Variants in MED13L observed in about 807,000 individuals in gnomAD.
The protein encoded by MED13L is mediator complex subunit 13L.
A neutral mutation model predicts 220.9 loss-of-function variants in MED13L; 7 were observed. The ratio of observed to expected loss-of-function variants is 0.03; its 90% CI spans 0.02 to 0.06. MED13L has a LOEUF of 0.06. Among genes scored for constraint, MED13L ranks in the 10% least tolerant of loss-of-function variants. MED13L has a pLI of 1.00. For missense variants in MED13L, 1,965 were observed against 2,760.5 expected (o/e 0.71, Z 6.46); for synonymous variants, 1,011 against 1,015.2 (o/e 1.00, Z 0.08).
At chr12:116,146,931 G>C (rs926020966) in intron 2 of MED13L, among the ~76,000 whole-genome samples, 4 of 151,756 alleles carry the variant, frequency 2.6e-5, no homozygotes, top group African/African-American at 9.7e-5. Flanking sequence ...AACTCATCAT[G>C]AAGAGTTTAA....
At chr12:116,150,876 T>G (rs962955092) in intron 2 of MED13L, among the ~76,000 whole-genome samples, 1 of 152,182 alleles carries the variant, frequency 6.6e-6, no homozygotes, top group African/African-American at 2.4e-5. Flanking sequence ...TCTAAGTTTC[T>G]TCTTTTGTAA....
chr12:116,101,034 T>C (rs1006035682), intron 3 of MED13L, among the ~76,000 whole-genome samples: 9 of 152,330 alleles, frequency 5.9e-5, no homozygotes, highest in South Asian at 2.1e-4. Context: ...CTACGAAGCA[T>C]GTCCTTGGCT....
intron 2 of MED13L, among the ~76,000 whole-genome samples, chr12:116,187,880 G>GT (rs1880999550): frequency 7.1e-6 from 1 of 141,046 alleles, no homozygotes; most frequent in African/African-American, 2.6e-5. Flanking sequence ...TCTTTTATAA[G>GT]TTAAAAAAAA....
chr12:116,035,792 C>G (rs1036436708), intron 4 of MED13L, among the ~76,000 whole-genome samples: 4 of 151,882 alleles, frequency 2.6e-5, no homozygotes, highest in South Asian at 2.1e-4. Flanking sequence ...GGTTTTGCTA[C>G]GTTGCCCAGG....
intron 4 of MED13L, among the ~76,000 whole-genome samples, chr12:116,066,437 C>T (rs1415847880): frequency 2.0e-5 from 3 of 152,122 alleles, no homozygotes; most frequent in Non-Finnish European, 4.4e-5. Context: ...AAACTGGACT[C>T]ACATCTTTAG....
chr12:116,129,908 C>CAA (rs572694841), intron 2 of MED13L, among the ~76,000 whole-genome samples: 61 of 95,436 alleles, frequency 6.4e-4, no homozygotes, highest in South Asian at 2.7e-3. Context: ...GACTCAGTCT[C>CAA]AAAAAAAAAA....
intron 16 of MED13L, among the ~76,000 whole-genome samples, chr12:115,994,624 T>C (rs1407068549): frequency 2.0e-5 from 3 of 152,230 alleles, no homozygotes; most frequent in African/African-American, 7.2e-5. Context: ...AAAGCTTGCA[T>C]GTGACCTTTT....
intron 2 of MED13L, among the ~76,000 whole-genome samples, chr12:116,206,280 C>T (rs767060532): frequency 7.2e-5 from 11 of 151,896 alleles, no homozygotes; most frequent in Admixed American, 5.2e-4. Context: ...GGTGTTTCAC[C>T]GTGTTGGCCA....
intron 25 of MED13L, among the ~76,000 whole-genome samples, chr12:115,974,042 T>TA (rs35316617): frequency 0.075 from 10,920 of 145,196 alleles, 515 homozygotes; most frequent in Middle Eastern, 0.13. Context: ...GAATTTCCTA[T>TA]AAAAAAAAAA....
At chr12:116,197,539 G>A (rs2138293040) in intron 2 of MED13L, among the ~76,000 whole-genome samples, 1 of 152,188 alleles carries the variant, frequency 6.6e-6, no homozygotes, top group East Asian at 1.9e-4. Flanking sequence ...GGCCGAGGCG[G>A]GCGGATCACC....
At chr12:116,155,136 T>C (rs1315223079) in intron 2 of MED13L, among the ~76,000 whole-genome samples, 2 of 152,130 alleles carry the variant, frequency 1.3e-5, no homozygotes, top group African/African-American at 2.4e-5. Flanking sequence ...CAAGATATTC[T>C]CTTATGGCCA....
intron 3 of MED13L, among the ~76,000 whole-genome samples, chr12:116,102,595 C>CCT (rs1873147349): frequency 1.3e-5 from 2 of 151,944 alleles, no homozygotes; most frequent in Non-Finnish European, 2.9e-5. Context: ...AAGTCTCCTT[C>CCT]CTAGAAATTA....
chr12:116,270,244 C>A (rs556416573), intron 1 of MED13L, among the ~76,000 whole-genome samples: 1 of 151,848 alleles, frequency 6.6e-6, no homozygotes, highest in Non-Finnish European at 1.5e-5. Context: ...TGGAATCAAG[C>A]GATTCCCCTG....
chr12:116,001,597 G>C (rs1181250482), intron 14 of MED13L, among the ~76,000 whole-genome samples: 11 of 152,110 alleles, frequency 7.2e-5, no homozygotes. Flanking sequence ...AATACTGTGT[G>C]TTCCCCTCAC....
At chr12:116,037,862 C>T (rs535528528) in intron 4 of MED13L, among the ~76,000 whole-genome samples, 23 of 152,122 alleles carry the variant, frequency 1.5e-4, no homozygotes, top group African/African-American at 5.3e-4. Flanking sequence ...GGTCCCACTC[C>T]GGTAGTAAAA....
At chr12:116,106,859 A>C (rs60195683) in intron 3 of MED13L, among the ~76,000 whole-genome samples, 1 of 128,682 alleles carries the variant, frequency 7.8e-6, no homozygotes, top group Non-Finnish European at 1.6e-5. Context: ...AAAAAAAGGG[A>C]AAAAAAAAAA....
At chr12:116,008,237 A>G (rs1019454573) in intron 10 of MED13L, 164 bp downstream of exon 10, 1 of 979,556 alleles carries the variant, frequency 1.0e-6, no homozygotes, top group Non-Finnish European at 1.5e-6. Flanking sequence ...CTAACCTATA[A>G]GTAGGACAAA....
Position 116,247,718 on chromosome 12 carries a change from T to C in MED13L, c.73-10013A>G, listed in dbSNP as rs138848808. On this transcript the variant is annotated intron_variant, in intron 1 of 30. Transcript: ENST00000281928. The stretch of plus-strand genomic sequence containing the variant: ...ATATATATACACACACATATGCATA[T>C]GTGCTGATTCATAAATGTTTTCCTC... Among the ~76,000 whole-genome samples the C allele has an allele frequency of 7.3e-4, 111 of 152,336 alleles. 3 individuals are homozygous for C. The East Asian group carries it at 0.019, about 26-fold the overall frequency.
intron 2 of MED13L, among the ~76,000 whole-genome samples, chr12:116,134,313 C>T (rs911886680): frequency 1.3e-5 from 2 of 151,952 alleles, no homozygotes; most frequent in South Asian, 2.1e-4. Flanking sequence ...CAAAGGCACC[C>T]GATTTCATTT....
Sources: gnomAD v4.1 joint callset for allele counts (sites outside exome capture counted in the v4.1 genomes callset) on GRCh38, gnomAD v4.1.1 for gene constraint, MANE v1.5 for transcripts, NCBI Gene and HGNC (gene_info 2026-07-23, HGNC 2026-07-21) for gene names.